Variants in ATP1B3 observed in about 807,000 individuals in gnomAD.
ATP1B3 encodes sodium/potassium-transporting ATPase subunit beta-3.
In ATP1B3, 10 loss-of-function variants were observed where a neutral mutation model predicts 30.2. The ratio of observed to expected loss-of-function variants is 0.33; its 90% confidence interval spans 0.20 to 0.56. The LOEUF (loss-of-function observed/expected upper bound fraction) is 0.56, where lower values mean the gene tolerates loss of function less well. Ranked by LOEUF, ATP1B3 falls within the 20% of genes least tolerant of loss-of-function variation. The pLI, the probability that ATP1B3 is intolerant of heterozygous loss-of-function variation, is 0.90. For missense variants in ATP1B3, 238 were observed against 336.7 expected, an observed-to-expected ratio of 0.71 and a Z score of 2.29; for synonymous variants, 113 against 117.0, an observed-to-expected ratio of 0.97 and a Z score of 0.22.
chr3:141,896,039 A>T (rs1934058848), intron 1 of ATP1B3, among the ~76,000 whole-genome samples: 2 of 152,260 alleles, frequency 1.3e-5, no homozygotes, highest in South Asian at 4.2e-4. Context: ...TTCGGTTCAG[A>T]TCTTTTGCCT....
At chr3:141,922,755 G>C (rs1367433982) in intron 6 of ATP1B3, among the ~76,000 whole-genome samples, 1 of 151,706 alleles carries the variant, frequency 6.6e-6, no homozygotes, top group Non-Finnish European at 1.5e-5. Flanking sequence ...CACGAGGTCA[G>C]GAGATCAAGA....
chr3:141,906,511 C>T (rs1428671777), intron 2 of ATP1B3, among the ~76,000 whole-genome samples: 1 of 152,198 alleles, frequency 6.6e-6, no homozygotes, highest in African/African-American at 2.4e-5. Context: ...GGAAAACTTA[C>T]ATTAAAGTTG....
At chr3:141,919,896 G>GCCACT (rs1934536810) in intron 5 of ATP1B3, among the ~76,000 whole-genome samples, 1 of 151,754 alleles carries the variant, frequency 6.6e-6, no homozygotes, top group Non-Finnish European at 1.5e-5. Flanking sequence ...CCATGATCGC[G>GCCACT]CCACTCCACT....
At chr3:141,889,240 G>A (rs1933890018) in intron 1 of ATP1B3, among the ~76,000 whole-genome samples, 1 of 152,094 alleles carries the variant, frequency 6.6e-6, no homozygotes, top group Admixed American at 6.5e-5. Flanking sequence ...TGAGATTTGG[G>A]TGGAGCACAG....
At chr3:141,897,970 A>G (rs1007280443) in intron 1 of ATP1B3, among the ~76,000 whole-genome samples, 3 of 152,224 alleles carry the variant, frequency 2.0e-5, no homozygotes, top group African/African-American at 4.8e-5. Flanking sequence ...TCGGCCTCTC[A>G]AAGTGCTGGG....
intron 3 of ATP1B3, among the ~76,000 whole-genome samples, chr3:141,912,234 C>A (rs2107776288): frequency 6.6e-6 from 1 of 152,160 alleles, no homozygotes; most frequent in Non-Finnish European, 1.5e-5. Context: ...CTTTACACTT[C>A]CTTTTTGAGG....
At chr3:141,924,564 G>T (rs1276540458) in intron 6 of ATP1B3, among the ~76,000 whole-genome samples, 2 of 151,832 alleles carry the variant, frequency 1.3e-5, no homozygotes, top group East Asian at 1.9e-4. Context: ...CAGGGGAATC[G>T]CTTGAACCTG....
At chr3:141,913,953 G>T (rs983678750) in intron 4 of ATP1B3, 117 bp downstream of exon 4, 64 of 995,562 alleles carry the variant, frequency 6.4e-5, no homozygotes. Flanking sequence ...GTTATCATTT[G>T]GGGGGTAGCT....
At chr3:141,878,816 T>A (rs888790009) in intron 1 of ATP1B3, among the ~76,000 whole-genome samples, 1 of 152,192 alleles carries the variant, frequency 6.6e-6, no homozygotes. Flanking sequence ...GAATGGCATA[T>A]ATAGGTGAAA....
intron 1 of ATP1B3, 109 bp from the exon 2 acceptor site, chr3:141,903,511 T>C: frequency 6.7e-7 from 1 of 1,494,898 alleles, no homozygotes; most frequent in Non-Finnish European, 9.0e-7. Flanking sequence ...ATGGCAAAGC[T>C]TGGGATCGTA....
intron 3 of ATP1B3, among the ~76,000 whole-genome samples, chr3:141,911,725 C>T (rs1243109978): frequency 1.3e-5 from 2 of 152,156 alleles, no homozygotes; most frequent in African/African-American, 4.8e-5. Context: ...AAACTCCTAG[C>T]CTCAAGTAAT....
At position 141,876,680 on chromosome 3, in the gene ATP1B3, T is replaced by TCGGCCGTCCCACCCTTCA. The variant is rs1577952324; in HGVS notation, c.-120_-103dup. ...TACTCCCCGTAACGAGGAGGTGTTC[T>TCGGCCGTCCCACCCTTCA]CGGCCGTCCCACCCTTCACTGCCGT... On this transcript the variant is annotated 5_prime_UTR_variant, in exon 1 of 7. Transcript: ENST00000286371. 4.6e-6 allele frequency: 3 copies of TCGGCCGTCCCACCCTTCA among 652,158 alleles called. No homozygotes were observed. In the East Asian group the frequency reaches 1.1e-4, roughly 23 times the overall value. 40.4% of individuals were successfully genotyped at this position (652,158 alleles called of 1,614,324 possible).
At chr3:141,880,481 C>G (rs1577954491) in intron 1 of ATP1B3, among the ~76,000 whole-genome samples, 2 of 152,044 alleles carry the variant, frequency 1.3e-5, no homozygotes, top group South Asian at 4.2e-4. Context: ...CACCTAGTGG[C>G]TGATGTTTGC....
intron 1 of ATP1B3, among the ~76,000 whole-genome samples, chr3:141,891,031 CATT>C (rs1933941266): frequency 1.3e-5 from 2 of 152,066 alleles, no homozygotes; most frequent in South Asian, 4.1e-4. Flanking sequence ...TTTAAATGAA[CATT>C]ATCACAGATT....
intron 5 of ATP1B3, chr3:141,918,986 T>A (rs1417914580): frequency 6.6e-6 from 1 of 152,202 alleles, no homozygotes; most frequent in Non-Finnish European, 1.5e-5. Context: ...GGAAGAAATG[T>A]TTGTAAAATT....
intron 1 of ATP1B3, among the ~76,000 whole-genome samples, chr3:141,885,746 C>T (rs903376915): frequency 1.3e-5 from 2 of 152,146 alleles, no homozygotes; most frequent in East Asian, 1.9e-4. Context: ...CTGTGCCTGA[C>T]CAGCGCATGC....
intron 1 of ATP1B3, among the ~76,000 whole-genome samples, chr3:141,895,127 G>A (rs947459456): frequency 6.6e-6 from 1 of 151,642 alleles, no homozygotes; most frequent in Non-Finnish European, 1.5e-5. Flanking sequence ...TTTTTTGGGG[G>A]GAGGGTCTCA....
intron 1 of ATP1B3, among the ~76,000 whole-genome samples, chr3:141,892,981 TCTCTG>T (rs1933987181): frequency 6.6e-6 from 1 of 152,156 alleles, no homozygotes; most frequent in South Asian, 2.1e-4. Context: ...TCTTAGCAGA[TCTCTG>T]CTCACCATTG....
rs1553743803 is a variant in ATP1B3, at chr3:141,889,750, AATAT to A, written c.109+12844_109+12847del. 3.8e-5 allele frequency among the ~76,000 whole-genome samples: 3 copies of A among 79,090 alleles called. No homozygotes were observed. The East Asian group carries it at 1.4e-3, about 37-fold the overall frequency. 51.9% of individuals were successfully genotyped at this position (79,090 alleles called of 152,430 possible). On this transcript the variant is annotated intron_variant, in intron 1 of 6. Transcript: ENST00000286371. ...TCTCAAAAAAAAAAAAAAAAAAAAA[AATAT>A]ATACACACACACACACACACACACA...
Sources: gnomAD v4.1 joint callset for allele counts (sites outside exome capture counted in the v4.1 genomes callset) on GRCh38, gnomAD v4.1.1 for gene constraint, MANE v1.5 for transcripts, NCBI Gene and HGNC (gene_info 2026-07-23, HGNC 2026-07-21) for gene names.